PNKD: variants seen among roughly 807,000 people sequenced by gnomAD.
The protein encoded by PNKD is probable thioesterase PNKD.
Under a neutral mutation model 45.3 loss-of-function variants are expected in PNKD, and 36 were observed. The ratio of observed to expected loss-of-function variants is 0.80; its 90% CI spans 0.61 to 1.05. PNKD has a LOEUF of 1.05. Among genes scored for constraint, PNKD ranks in the 50% least tolerant of loss-of-function variants. The pLI, the probability that PNKD is intolerant of heterozygous loss-of-function variation, is 0.00. For synonymous variants in PNKD, 197 were observed against 210.1 expected (o/e 0.94, Z 0.54); for missense variants, 511 against 506.6 (o/e 1.01, Z -0.08).
Position 218,289,015 on chromosome 2 carries a change from A to G in PNKD, c.236+17466A>G, listed in dbSNP as rs191013427. ...CAGGCAAACAGCAGAGATGAGTTTA[A>G]GCATAGATCTCACACCTGATTTAAA... On this transcript the variant is annotated intron_variant, in intron 2 of 9. Transcript: ENST00000273077. Among the ~76,000 whole-genome samples, 7 of 152,376 alleles carry G rather than the reference A, an allele frequency of 4.6e-5. No homozygotes were observed. In the East Asian group the frequency reaches 1.3e-3, roughly 29 times the overall value.
chr2:218,300,548 TTTC>T (rs1401826323), intron 2 of PNKD, among the ~76,000 whole-genome samples: 1 of 10,948 alleles, frequency 9.1e-5, no homozygotes, highest in Non-Finnish European at 3.7e-4. Context: ...TTTCTTTTCT[TTTC>T]TTTTTTTTTT....
intron 2 of PNKD, among the ~76,000 whole-genome samples, chr2:218,320,926 C>G (rs1380970634): frequency 6.6e-6 from 1 of 152,176 alleles, no homozygotes; most frequent in African/African-American, 2.4e-5. Context: ...TAGAAGTCTT[C>G]CAGAACAGTC....
chr2:218,336,229 G>T (rs1303956538), intron 2 of PNKD, among the ~76,000 whole-genome samples: 6 of 64,674 alleles, frequency 9.3e-5, no homozygotes, highest in Middle Eastern at 8.6e-3. Flanking sequence ...AAAAAAAAAA[G>T]TTTGGAAAAA....
intron 2 of PNKD, among the ~76,000 whole-genome samples, chr2:218,317,524 CAA>C (rs1693848187): frequency 6.6e-6 from 1 of 152,198 alleles, no homozygotes; most frequent in African/African-American, 2.4e-5. Flanking sequence ...TCAGGAAGAG[CAA>C]TGGCCTTGGC....
intron 2 of PNKD, among the ~76,000 whole-genome samples, chr2:218,315,182 A>G (rs2382824): frequency 0.97 from 143,028 of 147,052 alleles, 69,648 homozygotes; most frequent in East Asian, 1. Context: ...TTGCTGTGTC[A>G]CCAGGCTGGA....
At chr2:218,333,109 C>T (rs1246019003) in intron 2 of PNKD, among the ~76,000 whole-genome samples, 1 of 152,204 alleles carries the variant, frequency 6.6e-6, no homozygotes, top group Non-Finnish European at 1.5e-5. Flanking sequence ...CTTTTCCACC[C>T]CCAGCCATAG....
In PNKD at chr2:218,340,119, C is replaced by T; in HGVS notation, c.443C>T (p.Pro148Leu). The change falls in exon 4 of 10, where the codon CCT becomes CTT. Residue 148 changes from proline to leucine, a missense_variant. Coordinates refer to ENST00000273077, the MANE Select transcript of PNKD (RefSeq NM_015488.5). This position sits in a 1 kb window ranked among gnomAD's most constrained non-coding sequence, Gnocchi z 4.2. The stretch of plus-strand genomic sequence containing the variant: ...GCCCAGCTGGCTGTGGCTGTGGACC[C>T]TTCAGACCCTCGGGCTGTGCAGGTG... ...TQAQLAVAVD[P>L]SDPRAVQASI... 6.2e-7 allele frequency: 1 copy of T among 1,612,894 alleles called. No homozygotes were observed. Among genetic ancestry groups the T allele is most frequent in the Non-Finnish European group, 8.5e-7 (1 of 1,179,022 alleles).
chr2:218,271,032 G>A (rs1003589612), intron 1 of PNKD: 7 of 471,020 alleles, frequency 1.5e-5, no homozygotes, highest in Non-Finnish European at 1.9e-5. Context: ...GTCCCTTCCA[G>A]TGCTAACATT....
intron 2 of PNKD, among the ~76,000 whole-genome samples, chr2:218,310,315 C>T (rs1247822802): frequency 2.0e-5 from 3 of 151,790 alleles, no homozygotes; most frequent in Non-Finnish European, 4.4e-5. Context: ...CTCCGCCTCC[C>T]GGATTCAAGC....
At chr2:218,276,493 A>C (rs1691226356) in intron 2 of PNKD, among the ~76,000 whole-genome samples, 1 of 152,210 alleles carries the variant, frequency 6.6e-6, no homozygotes, top group Non-Finnish European at 1.5e-5. Flanking sequence ...GAGCACCCAC[A>C]GGACAGCCCA....
rs1691085194 is a variant in PNKD, at chr2:218,275,333, C to T, written c.236+3784C>T. On this transcript the variant is annotated intron_variant, in intron 2 of 9. Transcript: ENST00000273077. ...CACACATCCATAGCCAGAGAGGCCA[C>T]CTGTCTCCAGGACAGAAAGGAAACT... is the stretch of plus-strand genomic sequence containing the variant. 5 of 1,172,492 alleles carry T rather than the reference C, an allele frequency of 4.3e-6. No individual in the cohort carries two copies. In the East Asian group the frequency reaches 1.3e-4, roughly 31 times the overall value. 72.6% of individuals were successfully genotyped at this position (1,172,492 alleles called of 1,614,324 possible).
At chr2:218,329,763 T>TA (rs1221441921) in intron 2 of PNKD, among the ~76,000 whole-genome samples, 1 of 152,278 alleles carries the variant, frequency 6.6e-6, no homozygotes, top group Non-Finnish European at 1.5e-5. Flanking sequence ...AAGGGCTTTT[T>TA]AGCTGTTTTG....
At chr2:218,311,977 C>T (rs1693628778) in intron 2 of PNKD, among the ~76,000 whole-genome samples, 3 of 152,176 alleles carry the variant, frequency 2.0e-5, no homozygotes, top group East Asian at 1.9e-4. Context: ...TGGAGAATGG[C>T]GATGACTTTT....
At position 218,345,391 on chromosome 2, in the gene PNKD, T is replaced by C. The variant is rs1694803272; in HGVS notation, c.*410T>C. The C allele has an allele frequency of 5.6e-6, 1 of 178,418 alleles. No homozygotes were observed. The highest frequency in any genetic ancestry group is 1.2e-5 in the Non-Finnish European group (1 of 83,862). The allele number at this position is 178,418 out of a possible 1,614,324, so 11.1% of individuals were successfully genotyped here. ...CAGGGTCCATCTTGCCCTTCCCCCA[T>C]CCATGGTTGGGAAAGAAGCTCAGCC... On this transcript the variant is annotated 3_prime_UTR_variant, in exon 10 of 10. Coordinates refer to ENST00000273077, the MANE Select transcript of PNKD (RefSeq NM_015488.5).
At chr2:218,284,393 C>G (rs1692329614) in intron 2 of PNKD, 1 of 152,286 alleles carries the variant, frequency 6.6e-6, no homozygotes, top group African/African-American at 2.4e-5. Flanking sequence ...CCCCTGCTCC[C>G]TCCTCTGAGC....
In PNKD at chr2:218,280,048, A is replaced by G. The variant is rs1691715088; in HGVS notation, c.236+8499A>G. ...TACCTTTCGGATAAAAGTGTGTCGC[A>G]CTTTCCGGTCATCCCACTCTCCAGG... On this transcript the variant is annotated intron_variant, in intron 2 of 9. Coordinates refer to ENST00000273077, the MANE Select transcript of PNKD (RefSeq NM_015488.5). 9 of 1,614,066 alleles carry G rather than the reference A, an allele frequency of 5.6e-6. No homozygotes were observed. Among genetic ancestry groups the G allele is most frequent in the Non-Finnish European group, 7.6e-6 (9 of 1,179,964 alleles).
At position 218,307,313 on chromosome 2, in the gene PNKD, C is replaced by CT. The variant is rs1200670694; in HGVS notation, c.237-32470_237-32469insT. Among the ~76,000 whole-genome samples the CT allele has an allele frequency of 7.1e-4, 108 of 152,210 alleles. 2 individuals are homozygous for CT. In the East Asian group the frequency reaches 0.014, roughly 20 times the overall value. On this transcript the variant is annotated intron_variant, in intron 2 of 9. Coordinates refer to ENST00000273077, the MANE Select transcript of PNKD (RefSeq NM_015488.5). ...GTGCACTAGATTTCTATTATTATTACATTGTAATATATAATAAAATAATCA... is the reference window on the plus strand; with the variant it reads ...GTGCACTAGATTTCTATTATTATTACTATTGTAATATATAATAAAATAATCA...
At chr2:218,314,221 G>GTTTTTTT (rs1693701207) in intron 2 of PNKD, among the ~76,000 whole-genome samples, 1 of 57,012 alleles carries the variant, frequency 1.8e-5, no homozygotes, top group African/African-American at 1.2e-4. Context: ...CCGCGCCCTG[G>GTTTTTTT]CTTTTTTTTT....
chr2:218,337,510 G>A (rs1694532840), intron 2 of PNKD, among the ~76,000 whole-genome samples: 2 of 152,200 alleles, frequency 1.3e-5, no homozygotes, highest in Admixed American at 1.3e-4. Context: ...ATAAATAGGT[G>A]GATAACACAA....
Sources: allele counts gnomAD v4.1 joint callset (sites outside exome capture counted in the v4.1 genomes callset), GRCh38; gene constraint gnomAD v4.1.1; non-coding constraint Gnocchi (gnomAD v3.1); transcripts MANE v1.5; gene names NCBI Gene and HGNC (gene_info 2026-07-23, HGNC 2026-07-21).